The following DMXL2 variants were observed in gnomAD, a reference collection of about 807,000 sequenced individuals.
DMXL2 encodes the protein Dmx like 2, also known as dmX-like protein 2.
Under a neutral mutation model 331.1 loss-of-function variants are expected in DMXL2, and 103 were observed. The ratio of observed to expected loss-of-function variants is 0.31; its 90% CI spans 0.27 to 0.37. The LOEUF (loss-of-function observed/expected upper bound fraction) is 0.37, where lower values mean the gene tolerates loss of function less well. DMXL2 is among the 10% of genes least tolerant of loss of function. The pLI is 1.00. For synonymous variants in DMXL2, 1,281 were observed against 1,252.1 expected, an observed-to-expected ratio of 1.02 and a Z score of -0.49; for missense variants, 3,171 against 3,642.9, an observed-to-expected ratio of 0.87 and a Z score of 3.33.
chr15:51,569,161 C>A (rs1014671439), intron 2 of DMXL2, among the ~76,000 whole-genome samples: 6 of 152,208 alleles, frequency 3.9e-5, no homozygotes, highest in Non-Finnish European at 8.8e-5. Flanking sequence ...GTCCCACCCC[C>A]ACGGAGCCCA....
intron 1 of DMXL2, among the ~76,000 whole-genome samples, chr15:51,606,913 C>T (rs1418382203): frequency 6.6e-6 from 1 of 152,176 alleles, no homozygotes. Flanking sequence ...AATCCCAGCA[C>T]TTTCGGAGGC....
At chr15:51,568,869 C>T (rs1298001885) in intron 2 of DMXL2, among the ~76,000 whole-genome samples, 1 of 152,090 alleles carries the variant, frequency 6.6e-6, no homozygotes, top group Non-Finnish European at 1.5e-5. Flanking sequence ...GAGATGGACA[C>T]AGAAGGCAGG....
chr15:51,470,101 G>T (rs886924614), intron 29 of DMXL2, among the ~76,000 whole-genome samples: 5 of 152,244 alleles, frequency 3.3e-5, no homozygotes, highest in South Asian at 4.1e-4. Context: ...CGATGCTGCC[G>T]GTTCTGAGAC....
At chr15:51,558,814 A>T (rs902488262) in intron 6 of DMXL2, among the ~76,000 whole-genome samples, 1 of 152,222 alleles carries the variant, frequency 6.6e-6, no homozygotes, top group African/African-American at 2.4e-5. Flanking sequence ...AGCTAAACAC[A>T]ATTAAAACTG....
At chr15:51,475,361 T>C (rs1399612448) in intron 27 of DMXL2, among the ~76,000 whole-genome samples, 1 of 151,982 alleles carries the variant, frequency 6.6e-6, no homozygotes, top group African/African-American at 2.4e-5. Context: ...GGTCATGGTG[T>C]TATGCGTCTA....
chr15:51,466,185 T>C lies in DMXL2; in HGVS notation c.7519A>G (p.Ser2507Gly). The change falls in exon 30 of 44, where the codon AGC becomes GGC. Residue 2507 changes from serine (S) to glycine (G), a missense_variant and splice_region_variant. Ser to Gly is a moderately conservative substitution (Grantham distance 56). Around this residue, in one of 7 missense-constraint regions of DMXL2, gnomAD observed 766 missense variants for 940.5 expected, o/e 0.81. Transcript: ENST00000560891. ...GAGAGAAAGAAAAGTCTTATTTACC[T>C]ATAGGAATTTGGATCTTGGTGCTCC... ...IQEHQDPNSY[S>G]WALLHLTMVK... The C allele has an allele frequency of 1.3e-6, 2 of 1,556,128 alleles. No individual in the cohort carries two copies. Among genetic ancestry groups the C allele is most frequent in the South Asian group, 1.3e-5 (1 of 79,244 alleles).
intron 1 of DMXL2, among the ~76,000 whole-genome samples, chr15:51,613,229 T>G (rs574726749): frequency 6.6e-6 from 1 of 152,306 alleles, no homozygotes; most frequent in African/African-American, 2.4e-5. Context: ...AAGACAGGCA[T>G]AGGAAATCAT....
chr15:51,596,810 C>T (rs535094367), intron 1 of DMXL2, among the ~76,000 whole-genome samples: 1 of 152,246 alleles, frequency 6.6e-6, no homozygotes, highest in Admixed American at 6.5e-5. Flanking sequence ...TCTCAGCTAA[C>T]TATCGCAAAG....
chr15:51,579,808 C>T (rs2051287811), intron 1 of DMXL2, among the ~76,000 whole-genome samples: 1 of 152,152 alleles, frequency 6.6e-6, no homozygotes, highest in Non-Finnish European at 1.5e-5. Flanking sequence ...AGAAGAGAAT[C>T]TACCAAAGCC....
intron 23 of DMXL2, among the ~76,000 whole-genome samples, chr15:51,482,813 T>C (rs1266893983): frequency 2.0e-5 from 3 of 152,216 alleles, no homozygotes; most frequent in African/African-American, 7.2e-5. Context: ...GCCAGCAAGA[T>C]GGCTGCTAGA....
rs2039703339 is a variant in DMXL2, at chr15:51,457,169, C to T, written c.8337+159G>A. 1.1e-5 allele frequency: 9 copies of T among 815,540 alleles called. No individual in the cohort carries two copies. The South Asian group carries it at 1.8e-4, about 16-fold the overall frequency. The allele number at this position is 815,540 out of a possible 1,614,324, so 50.5% of individuals were successfully genotyped here. A position where few individuals can be genotyped will look rare whatever the true frequency, so the allele number is the denominator to read the frequency against. ...CCTGCGCGACAGAGCCAGACCCTGT[C>T]ACCAAATAAAAAAGCCACAATAAAT... On this transcript the variant is annotated intron_variant, in intron 37 of 43. Transcript: ENST00000560891.
Position 51,565,181 on chromosome 15 carries a change from C to A in DMXL2, c.286-15G>T. On this transcript the variant is annotated splice_polypyrimidine_tract_variant and intron_variant, in intron 3 of 43. Coordinates refer to ENST00000560891, the MANE Select transcript of DMXL2 (RefSeq NM_001378457.1). ...CACTTGAGTTGCTGAAATACGTAGA[C>A]AAAAAGAAATAAGAAAAAAGAAAAA... 6.6e-7 allele frequency: 1 copy of A among 1,523,250 alleles called. No homozygotes were observed. Among genetic ancestry groups the A allele is most frequent in the Non-Finnish European group, 8.8e-7 (1 of 1,136,894 alleles). The allele number at this position is 1,523,250 out of a possible 1,614,324, so 94.4% of individuals were successfully genotyped here. A position where few individuals can be genotyped will look rare whatever the true frequency, so the allele number is the denominator to read the frequency against.
chr15:51,535,702 T>C lies in DMXL2; in HGVS notation c.2397A>G (p.Ala799=). The C allele has an allele frequency of 6.2e-7, 1 of 1,607,566 alleles. No homozygotes were observed. The highest frequency in any genetic ancestry group is 1.1e-5 in the South Asian group (1 of 89,778). Residue 799 remains alanine (A), a synonymous_variant, in exon 13 of 44, where the codon GCA becomes GCG. Transcript: ENST00000560891. ...NLRLYQAVVD[A]RKLLDELSDP... ...CTGACAATTCATCTAATAATTTCCT[T>C]GCATCCACTACAGCTTGATAGAGTC...
Position 51,460,198 on chromosome 15 carries a change from G to T in DMXL2, c.7927-538C>A, listed in dbSNP as rs1012963231. On this transcript the variant is annotated intron_variant, in intron 33 of 43. Transcript: ENST00000560891. ...GTAATTTGCTCCCGGGTTGATGCAG[G>T]GTCCTAAGGATGGCTGCAATCAGAA... 1.4e-5 allele frequency: 14 copies of T among 986,348 alleles called. No individual in the cohort carries two copies. The Admixed American group carries it at 5.5e-4, about 39-fold the overall frequency. 61.1% of individuals were successfully genotyped at this position (986,348 alleles called of 1,614,324 possible). A position where few individuals can be genotyped will look rare whatever the true frequency, so the allele number is the denominator to read the frequency against.
chr15:51,540,261 C>T lies in DMXL2; in HGVS notation c.1106-1809G>A, dbSNP rs138655064. On this transcript the variant is annotated intron_variant, in intron 9 of 43. Coordinates refer to ENST00000560891, the MANE Select transcript of DMXL2 (RefSeq NM_001378457.1). ...GGAGGAATTTAAAGAAAATAATCTGCATTTAAGAAAGGAATCTATATTTGT... is the reference window on the plus strand; with the variant it reads ...GGAGGAATTTAAAGAAAATAATCTGTATTTAAGAAAGGAATCTATATTTGT... Among the ~76,000 whole-genome samples the T allele has an allele frequency of 9.6e-3, 1,456 of 152,190 alleles. 20 individuals are homozygous for T. The highest frequency in any genetic ancestry group is 0.034 in the African/African-American group (1,400 of 41,524).
intron 2 of DMXL2, among the ~76,000 whole-genome samples, chr15:51,570,041 T>C (rs933534546): frequency 1.3e-5 from 2 of 151,986 alleles, no homozygotes; most frequent in Non-Finnish European, 1.5e-5. Context: ...GCTAAGAACC[T>C]TGAAAAAAGG....
rs978509723 is a variant in DMXL2, at chr15:51,498,948, T to C, written c.4276A>G (p.Ile1426Val). The change falls in exon 18 of 44, where the codon ATC (isoleucine) becomes GTC (valine). Residue 1426 changes from isoleucine (I) to valine (V), a missense_variant. Ile to Val is a conservative substitution (Grantham distance 29). This residue lies in a region of DMXL2 where 1,674 missense variants were observed against 1,780.2 expected (regional missense o/e 0.94). Coordinates refer to ENST00000560891, the MANE Select transcript of DMXL2 (RefSeq NM_001378457.1). ...AATGCATATAGTGGTAGTGGAGGGA[T>C]AGAATCTATCTCAGTATAATCTCGA... ...GTRDYTEIDS[I>V]PPLPLYALLA... 26 of 1,613,996 alleles carry C rather than the reference T, an allele frequency of 1.6e-5. No homozygotes were observed. The highest frequency in any genetic ancestry group is 2.7e-5 in the African/African-American group (2 of 74,934).
chr15:51,571,332 T>C (rs9806352), intron 2 of DMXL2, among the ~76,000 whole-genome samples: 2,941 of 152,228 alleles, frequency 0.019, 94 homozygotes, highest in African/African-American at 0.066. Flanking sequence ...CACACAGTAA[T>C]AGTGGGAGAC....
intron 1 of DMXL2, among the ~76,000 whole-genome samples, chr15:51,594,404 G>A (rs2052630087): frequency 6.6e-6 from 1 of 152,178 alleles, no homozygotes; most frequent in African/African-American, 2.4e-5. Flanking sequence ...AACAGGCTCT[G>A]AAATTGAGGC....
Sources: gnomAD v4.1 joint callset for allele counts (sites outside exome capture counted in the v4.1 genomes callset) on GRCh38, gnomAD v4.1.1 for gene constraint, gnomAD v4.1.1 regional missense constraint, MANE v1.5 for transcripts, NCBI Gene and HGNC (gene_info 2026-07-23, HGNC 2026-07-21) for gene names.